The following CHPT1 variants were observed in gnomAD, a reference collection of about 807,000 sequenced individuals.
CHPT1 encodes choline phosphotransferase 1, also known as cholinephosphotransferase 1.
CHPT1 carries 36 observed loss-of-function variants against 47.6 expected under a neutral mutation model. That is an observed-to-expected ratio of 0.76 (90% CI 0.58 to 1.00). The LOEUF (loss-of-function observed/expected upper bound fraction) is 1.00. Ranked by LOEUF, CHPT1 falls within the 50% of genes least tolerant of loss-of-function variation. CHPT1 has a pLI of 0.00. For synonymous variants in CHPT1, 194 were observed against 186.3 expected, an observed-to-expected ratio of 1.04 and a Z score of -0.33; for missense variants, 458 against 498.1, an observed-to-expected ratio of 0.92 and a Z score of 0.77.
At chr12:101,706,627 G>C (rs1951637920) in intron 1 of CHPT1, among the ~76,000 whole-genome samples, 1 of 152,082 alleles carries the variant, frequency 6.6e-6, no homozygotes, top group African/African-American at 2.4e-5. Flanking sequence ...CATGCTCTTG[G>C]GCTTCCCAGG....
intron 3 of CHPT1, among the ~76,000 whole-genome samples, chr12:101,716,065 G>A (rs769468128): frequency 1.3e-5 from 2 of 152,162 alleles, no homozygotes; most frequent in African/African-American, 2.4e-5. Flanking sequence ...AGCAACAAAC[G>A]TGAAGAGAGG....
At chr12:101,699,624 G>A (rs1235814432) in intron 1 of CHPT1, among the ~76,000 whole-genome samples, 2 of 152,142 alleles carry the variant, frequency 1.3e-5, no homozygotes, top group Non-Finnish European at 2.9e-5. Flanking sequence ...CTGACCTCAA[G>A]TGATCCGCCT....
intron 8 of CHPT1, 136 bp from the exon 9 acceptor site, chr12:101,728,765 C>T (rs1330183032): frequency 4.2e-6 from 4 of 959,198 alleles, no homozygotes; most frequent in Non-Finnish European, 6.2e-6. Flanking sequence ...TAACTCATAA[C>T]TATTTAGATT....
intron 1 of CHPT1, among the ~76,000 whole-genome samples, chr12:101,704,221 G>A (rs776908084): frequency 7.3e-5 from 11 of 151,452 alleles, no homozygotes; most frequent in South Asian, 2.1e-4. Flanking sequence ...AAAAATTTAC[G>A]TAATGAACAT....
At chr12:101,721,582 A>G (rs927104263) in intron 5 of CHPT1, among the ~76,000 whole-genome samples, 1 of 152,208 alleles carries the variant, frequency 6.6e-6, no homozygotes, top group African/African-American at 2.4e-5. Context: ...ATTCATCTAG[A>G]AATATAAGTT....
intron 4 of CHPT1, chr12:101,717,206 G>T (rs1383480931): frequency 2.3e-6 from 1 of 442,374 alleles, no homozygotes; most frequent in South Asian, 1.6e-5. Context: ...TAGGAAAGTA[G>T]TTAATTTGCA....
chr12:101,716,064 C>T (rs1345524606), intron 3 of CHPT1, among the ~76,000 whole-genome samples: 1 of 151,992 alleles, frequency 6.6e-6, no homozygotes, highest in Non-Finnish European at 1.5e-5. Context: ...AAGCAACAAA[C>T]GTGAAGAGAG....
At chr12:101,720,976 C>G (rs563130289) in intron 5 of CHPT1, among the ~76,000 whole-genome samples, 20 of 152,246 alleles carry the variant, frequency 1.3e-4, no homozygotes, top group African/African-American at 4.8e-4. Flanking sequence ...TTATACCAAA[C>G]CATTGTTATA....
At chr12:101,711,435 G>GACACAGAAAAA (rs1951700311) in intron 1 of CHPT1, among the ~76,000 whole-genome samples, 2 of 147,940 alleles carry the variant, frequency 1.4e-5, no homozygotes, top group African/African-American at 4.9e-5. Context: ...CACAGAAAGA[G>GACACAGAAAAA]AAATATGGTA....
intron 8 of CHPT1, 69 bp from the exon 9 acceptor site, chr12:101,728,831 AC>A: frequency 6.4e-7 from 1 of 1,553,108 alleles, no homozygotes; most frequent in Non-Finnish European, 8.8e-7. Context: ...TAAAGATGTT[AC>A]AATTAAACTA....
intron 1 of CHPT1, among the ~76,000 whole-genome samples, chr12:101,704,427 G>A (rs1254366831): frequency 6.9e-6 from 1 of 145,326 alleles, no homozygotes; most frequent in African/African-American, 2.5e-5. Flanking sequence ...TTGAGATGGA[G>A]TTTCGCTCTT....
chr12:101,698,230 C>T, intron 1 of CHPT1, 96 bp downstream of exon 1: 1 of 1,341,462 alleles, frequency 7.5e-7, no homozygotes, highest in Non-Finnish European at 9.5e-7. Context: ...GCGGCTGAGC[C>T]TCTCCCGGGC....
Position 101,719,467 on chromosome 12 carries a change from A to C in CHPT1, c.649-656A>C, listed in dbSNP as rs1315246156. ...TGGCAATTCATTGTTACTGTTTTTTAAATCCTTTGCTGCCTTTGGAAGTTT... is the reference window on the plus strand; with the variant it reads ...TGGCAATTCATTGTTACTGTTTTTTCAATCCTTTGCTGCCTTTGGAAGTTT... On this transcript the variant is annotated intron_variant, in intron 4 of 8. Coordinates refer to ENST00000229266, the MANE Select transcript of CHPT1 (RefSeq NM_020244.3). The C allele has an allele frequency of 6.8e-6, 7 of 1,035,224 alleles. No homozygotes were observed. In the Admixed American group the frequency reaches 1.2e-4, roughly 17 times the overall value. The allele number at this position is 1,035,224 out of a possible 1,614,324, so 64.1% of individuals were successfully genotyped here. A position where few individuals can be genotyped will look rare whatever the true frequency, so the allele number is the denominator to read the frequency against.
intron 1 of CHPT1, among the ~76,000 whole-genome samples, chr12:101,709,210 G>A (rs10778144): frequency 0.38 from 55,297 of 145,504 alleles, 13,418 homozygotes; most frequent in East Asian, 0.74. Flanking sequence ...AGCCTGGGTA[G>A]CATAGCCAGA....
intron 1 of CHPT1, among the ~76,000 whole-genome samples, chr12:101,703,763 T>C (rs1007040331): frequency 8.5e-5 from 13 of 152,154 alleles, no homozygotes; most frequent in African/African-American, 2.4e-4. Flanking sequence ...TAGGCACTTA[T>C]TGGGTTAGAG....
At position 101,719,515 on chromosome 12, in the gene CHPT1, A is replaced by G. The variant is rs1410553619; in HGVS notation, c.649-608A>G. 3 of 1,282,276 alleles carry G rather than the reference A, an allele frequency of 2.3e-6. No homozygotes were observed. In the Admixed American group the frequency reaches 6.9e-5, roughly 30 times the overall value. 79.4% of individuals were successfully genotyped at this position (1,282,276 alleles called of 1,614,324 possible). ...TTTTCTTGAACAGCAGTTGACCAACAGGTAAATATATTGCTAGAGATTTAA... is the reference window on the plus strand; with the variant it reads ...TTTTCTTGAACAGCAGTTGACCAACGGGTAAATATATTGCTAGAGATTTAA... On this transcript the variant is annotated intron_variant, in intron 4 of 8. Transcript: ENST00000229266.
intron 1 of CHPT1, among the ~76,000 whole-genome samples, chr12:101,700,959 A>G (rs1362421227): frequency 6.6e-6 from 1 of 152,216 alleles, no homozygotes; most frequent in Non-Finnish European, 1.5e-5. Context: ...GTCAGCAAAA[A>G]CACATAAGGT....
At chr12:101,720,038 C>T in intron 4 of CHPT1, 85 bp from the exon 5 acceptor site, 1 of 845,968 alleles carries the variant, frequency 1.2e-6, no homozygotes, top group Non-Finnish European at 1.8e-6. Flanking sequence ...GCTTATTGTA[C>T]AGGGCTTATC....
intron 1 of CHPT1, among the ~76,000 whole-genome samples, chr12:101,706,790 T>C (rs1200373523): frequency 6.6e-6 from 1 of 152,206 alleles, no homozygotes; most frequent in African/African-American, 2.4e-5. Context: ...GTGGAATTAC[T>C]TCCCTTGGTT....
Sources: allele counts gnomAD v4.1 joint callset (sites outside exome capture counted in the v4.1 genomes callset), GRCh38; gene constraint gnomAD v4.1.1; transcripts MANE v1.5; gene names NCBI Gene and HGNC (gene_info 2026-07-23, HGNC 2026-07-21).